Variants in TEX2 observed in about 807,000 individuals in gnomAD.
TEX2 encodes the protein testis-expressed protein 2.
A neutral mutation model predicts 106.9 loss-of-function variants in TEX2; 53 were observed. The ratio of observed to expected loss-of-function variants is 0.50; its 90% CI spans 0.40 to 0.62. The LOEUF is 0.62. TEX2 is among the 20% of genes least tolerant of loss of function. The pLI, the probability that TEX2 is intolerant of heterozygous loss-of-function variation, is 0.00. For missense variants in TEX2, 1,207 were observed against 1,379.0 expected (o/e 0.88, Z 1.98); for synonymous variants, 523 against 534.8 (o/e 0.98, Z 0.30).
At chr17:64,209,803 C>G (rs1425516319) in intron 2 of TEX2, among the ~76,000 whole-genome samples, 3 of 152,200 alleles carry the variant, frequency 2.0e-5, no homozygotes, top group Non-Finnish European at 4.4e-5. Context: ...ACACCCAACA[C>G]TTAGCCCACT....
In TEX2 at chr17:64,193,360, T is replaced by C. The variant is rs1002490188; in HGVS notation, c.2176+199A>G. 5.3e-5 allele frequency among the ~76,000 whole-genome samples: 8 copies of C among 152,200 alleles called. No homozygotes were observed. The East Asian group carries it at 9.6e-4, about 18-fold the overall frequency. ...ACATCATCTGCAAATGGATCCATCATTGGTTAAATGATTTGGGACAGACGG... is the reference window on the plus strand; with the variant it reads ...ACATCATCTGCAAATGGATCCATCACTGGTTAAATGATTTGGGACAGACGG... On this transcript the variant is annotated intron_variant, in intron 4 of 11. Coordinates refer to ENST00000584379, the MANE Select transcript of TEX2 (RefSeq NM_001288732.2).
chr17:64,190,401 A>G (rs1474395298), intron 4 of TEX2, among the ~76,000 whole-genome samples: 1 of 152,220 alleles, frequency 6.6e-6, no homozygotes, highest in African/African-American at 2.4e-5. Flanking sequence ...AAGAGAAAAA[A>G]AGATGAAATA....
intron 2 of TEX2, among the ~76,000 whole-genome samples, chr17:64,204,811 C>A (rs1288031637): frequency 6.6e-6 from 1 of 152,124 alleles, no homozygotes; most frequent in Non-Finnish European, 1.5e-5. Context: ...AAGGTATTTT[C>A]AGGATGCTAA....
chr17:64,193,509 C>T, intron 4 of TEX2, 50 bp downstream of exon 4: 1 of 1,368,536 alleles, frequency 7.3e-7, no homozygotes, highest in Non-Finnish European at 9.7e-7. Flanking sequence ...TCTCTATTCT[C>T]CCTAGTGGCC....
intron 1 of TEX2, among the ~76,000 whole-genome samples, chr17:64,248,317 A>G (rs2034028283): frequency 6.6e-6 from 1 of 152,236 alleles, no homozygotes; most frequent in Admixed American, 6.5e-5. Flanking sequence ...AGAATTTTCC[A>G]TGCTTAATGC....
At chr17:64,259,448 C>T (rs12939351) in intron 1 of TEX2, among the ~76,000 whole-genome samples, 12,465 of 152,226 alleles carry the variant, frequency 0.082, 595 homozygotes, top group Non-Finnish European at 0.11. Context: ...CTTCTTATTA[C>T]AATATTTACT....
chr17:64,164,446 A>C (rs2049476), intron 7 of TEX2, among the ~76,000 whole-genome samples: 79,463 of 150,990 alleles, frequency 0.53, 22,610 homozygotes, highest in East Asian at 0.82. Flanking sequence ...AAAAAAAAAA[A>C]ACCCTGGCAC....
rs1200195656 is a variant in TEX2, at chr17:64,188,354, G to T, written c.2238C>A (p.Ser746Arg). The T allele has an allele frequency of 1.2e-6, 2 of 1,614,202 alleles. No individual in the cohort carries two copies. The highest frequency in any genetic ancestry group is 1.7e-6 in the Non-Finnish European group (2 of 1,180,040). ...TCTCCTCCACACTGCCTTTGCTGCT[G>T]CTGCGGCTGTGGGTCAGGTGCCCGG... The part of the protein sequence containing the change: ...SPSGHLTHSR[S>R]SSKGSVEEIM... The change falls in exon 5 of 12, where the codon AGC becomes AGA. Residue 746 changes from serine (S) to arginine (R), a missense_variant. Around this residue, in one of 3 missense-constraint regions of TEX2, gnomAD observed 1,067 missense variants for 1,193.6 expected, o/e 0.89. Coordinates refer to ENST00000584379, the MANE Select transcript of TEX2 (RefSeq NM_001288732.2).
At chr17:64,188,644 A>G (rs912920008) in intron 4 of TEX2, among the ~76,000 whole-genome samples, 16 of 151,906 alleles carry the variant, frequency 1.1e-4, no homozygotes, top group Admixed American at 8.5e-4. Flanking sequence ...GTGAAACCCC[A>G]TCTCTACTAA....
rs1277245063 is a variant in TEX2, at chr17:64,217,672, C to G, written c.-25-3430G>C. Among the ~76,000 whole-genome samples, 1 of 152,176 alleles carries G rather than the reference C, an allele frequency of 6.6e-6. No individual in the cohort carries two copies. The highest frequency in any genetic ancestry group is 1.5e-5 in the Non-Finnish European group (1 of 68,028). The stretch of plus-strand genomic sequence containing the variant: ...AGCCTCCTGCCCTCTACTCCTGAAA[C>G]TCAATTATACCCAGGCTCAAAAAAA... On this transcript the variant is annotated intron_variant, in intron 1 of 11. Coordinates refer to ENST00000584379, the MANE Select transcript of TEX2 (RefSeq NM_001288732.2). The surrounding 1 kb of genome is among the most constrained non-coding windows in gnomAD (Gnocchi z 4.3).
rs1404973446 is a variant in TEX2 at position 64,148,668 on chromosome 17, A to C, written c.*301T>G. 2.3e-5 allele frequency: 7 copies of C among 300,794 alleles called. No individual in the cohort carries two copies. Among genetic ancestry groups the C allele is most frequent in the Non-Finnish European group, 3.7e-5 (6 of 161,568 alleles). 18.6% of individuals were successfully genotyped at this position (300,794 alleles called of 1,614,324 possible). A position where few individuals can be genotyped will look rare whatever the true frequency, so the allele number is the denominator to read the frequency against. ...TCTTACTGTGCTCATTTGCTGCCAC[A>C]AACATGGGTAGACTTTTAAAAGCCA... On this transcript the variant is annotated 3_prime_UTR_variant, in exon 12 of 12. Coordinates refer to ENST00000584379, the MANE Select transcript of TEX2 (RefSeq NM_001288732.2).
intron 1 of TEX2, among the ~76,000 whole-genome samples, chr17:64,230,239 C>T (rs1374664250): frequency 2.0e-5 from 3 of 152,100 alleles, no homozygotes; most frequent in African/African-American, 7.2e-5. Flanking sequence ...GAAGGTTTCC[C>T]AGGGGCCCCG....
chr17:64,235,944 T>C (rs1555635086), intron 1 of TEX2, among the ~76,000 whole-genome samples: 1 of 152,054 alleles, frequency 6.6e-6, no homozygotes, highest in African/African-American at 2.4e-5. Context: ...ATTCCACCTG[T>C]AGCAAATGTT....
intron 5 of TEX2, among the ~76,000 whole-genome samples, chr17:64,178,009 C>G (rs1436728248): frequency 6.6e-6 from 1 of 152,164 alleles, no homozygotes; most frequent in Non-Finnish European, 1.5e-5. Flanking sequence ...CAGTGGGCAT[C>G]AGGAGTTTCA....
At chr17:64,233,072 G>A (rs2033691403) in intron 1 of TEX2, among the ~76,000 whole-genome samples, 1 of 152,104 alleles carries the variant, frequency 6.6e-6, no homozygotes, top group Admixed American at 6.6e-5. Flanking sequence ...TCCATCTTGA[G>A]GCTTATCATG....
chr17:64,214,208 G>A lies in TEX2; in HGVS notation c.10C>T (p.Leu4=). The A allele has an allele frequency of 6.2e-7, 1 of 1,611,624 alleles. No individual in the cohort carries two copies. The highest frequency in any genetic ancestry group is 8.5e-7 in the Non-Finnish European group (1 of 1,177,868). MTS[L]YGRHAEKTTD... Reference sequence around the variant, plus strand: ...GTTTTCTCGGCATGGCGACCATACAGACTTGTCATTGCCGGCTTCACAAGG... The same window carrying A: ...GTTTTCTCGGCATGGCGACCATACAAACTTGTCATTGCCGGCTTCACAAGG... The change falls in exon 2 of 12, where the codon CTG becomes TTG. Residue 4 remains leucine (L), a synonymous_variant. Coordinates refer to ENST00000584379, the MANE Select transcript of TEX2 (RefSeq NM_001288732.2).
At chr17:64,251,470 T>C (rs2034090021) in intron 1 of TEX2, among the ~76,000 whole-genome samples, 1 of 152,212 alleles carries the variant, frequency 6.6e-6, no homozygotes, top group Admixed American at 6.5e-5. Flanking sequence ...TCACAAAACA[T>C]CTTCTCTCTG....
intron 1 of TEX2, among the ~76,000 whole-genome samples, chr17:64,232,769 C>T (rs1555634749): frequency 6.6e-6 from 1 of 152,194 alleles, no homozygotes; most frequent in Non-Finnish European, 1.5e-5. Flanking sequence ...AGCAAGGAAA[C>T]TTGATGGTTT....
intron 2 of TEX2, among the ~76,000 whole-genome samples, chr17:64,201,974 C>T (rs2032678515): frequency 6.6e-6 from 1 of 152,146 alleles, no homozygotes; most frequent in African/African-American, 2.4e-5. Context: ...CTTATAAGTA[C>T]AGTGCTAGCT....
Sources: gnomAD v4.1 joint callset for allele counts (sites outside exome capture counted in the v4.1 genomes callset) on GRCh38, gnomAD v4.1.1 for gene constraint, gnomAD v4.1.1 regional missense constraint, Gnocchi (gnomAD v3.1) non-coding constraint, MANE v1.5 for transcripts, NCBI Gene and HGNC (gene_info 2026-07-23, HGNC 2026-07-21) for gene names.